The following ST13 variants were observed in gnomAD, a reference collection of about 807,000 sequenced individuals.
The protein encoded by ST13 is ST13 Hsp70 interacting protein.
A neutral mutation model predicts 56.7 loss-of-function variants in ST13; 23 were observed. The observed-to-expected ratio is 0.41, with a 90% CI of 0.29 to 0.57. The LOEUF (loss-of-function observed/expected upper bound fraction) is 0.57. Ranked by LOEUF, ST13 falls within the 20% of genes least tolerant of loss-of-function variation. ST13 has a pLI of 0.36. For missense variants in ST13, 369 were observed against 459.9 expected (o/e 0.80, Z 1.81); for synonymous variants, 132 against 142.4 (o/e 0.93, Z 0.52).
At chr22:40,840,504 T>C in intron 5 of ST13, 122 bp downstream of exon 5, 2 of 777,024 alleles carry the variant, frequency 2.6e-6, no homozygotes, top group Admixed American at 3.0e-5. Flanking sequence ...GACTGGATAA[T>C]AGGACACTAT....
At chr22:40,852,466 T>G (rs1452524107) in intron 1 of ST13, among the ~76,000 whole-genome samples, 1 of 152,234 alleles carries the variant, frequency 6.6e-6, no homozygotes, top group Non-Finnish European at 1.5e-5. Context: ...TCCCACCCTG[T>G]AGGTTGCCTT....
chr22:40,849,687 T>C lies in ST13; in HGVS notation c.168+1136A>G, dbSNP rs781698289. Among the ~76,000 whole-genome samples, 152 of 152,026 alleles carry C rather than the reference T, an allele frequency of 1.0e-3. 2 individuals carry two copies. Among genetic ancestry groups the C allele is most frequent in the Non-Finnish European group, 3.2e-4 (22 of 68,008 alleles). On this transcript the variant is annotated intron_variant, in intron 2 of 11. Transcript: ENST00000216218. ...AAATATAATTTTGCCTTCATACACATTTGCCAAATAGCAAAATATCTAGGG... is the reference window on the plus strand; with the variant it reads ...AAATATAATTTTGCCTTCATACACACTTGCCAAATAGCAAAATATCTAGGG...
At chr22:40,844,610 C>G (rs1343247459) in intron 4 of ST13, among the ~76,000 whole-genome samples, 1 of 152,146 alleles carries the variant, frequency 6.6e-6, no homozygotes, top group Non-Finnish European at 1.5e-5. Context: ...CGTTACAGTG[C>G]AAGCAGTCAC....
At chr22:40,850,989 C>T (rs55763787) in intron 1 of ST13, 109 bp from the exon 2 acceptor site, 1 of 728,546 alleles carries the variant, frequency 1.4e-6, no homozygotes, top group Non-Finnish European at 2.2e-6. Context: ...ACTACCTTTT[C>T]AAAATTTAAA....
chr22:40,850,907 T>C (rs1359329608), intron 1 of ST13, 27 bp from the exon 2 acceptor site: 1 of 1,562,032 alleles, frequency 6.4e-7, no homozygotes, highest in Non-Finnish European at 8.7e-7. Flanking sequence ...AAAAAGATAT[T>C]TGTTTAGAAA....
At chr22:40,851,363 A>T (rs936481043) in intron 1 of ST13, among the ~76,000 whole-genome samples, 1 of 152,094 alleles carries the variant, frequency 6.6e-6, no homozygotes, top group Non-Finnish European at 1.5e-5. Context: ...ACCTATGAGA[A>T]TTTTTCTTGC....
intron 8 of ST13, 71 bp from the exon 9 acceptor site, chr22:40,831,027 T>A: frequency 1.0e-6 from 1 of 972,688 alleles, no homozygotes; most frequent in Non-Finnish European, 1.6e-6. Context: ...ATATTCTTTG[T>A]AGAGAGATGT....
At chr22:40,840,515 C>T in intron 5 of ST13, 111 bp downstream of exon 5, 1 of 878,604 alleles carries the variant, frequency 1.1e-6, no homozygotes, top group Non-Finnish European at 1.8e-6. Context: ...AGGACACTAT[C>T]TTCTCCAGTA....
intron 5 of ST13, among the ~76,000 whole-genome samples, chr22:40,836,556 A>G (rs2057778556): frequency 6.6e-6 from 1 of 152,192 alleles, no homozygotes; most frequent in Non-Finnish European, 1.5e-5. Flanking sequence ...ATTAAAAAGA[A>G]AAAATTAAGC....
chr22:40,835,341 C>G, intron 7 of ST13: 31 of 349,572 alleles, frequency 8.9e-5, no homozygotes, highest in East Asian at 2.4e-4. Flanking sequence ...CTTTTTATTT[C>G]TTCCTTCCTA....
chr22:40,828,789 G>A (rs879899098), intron 10 of ST13, among the ~76,000 whole-genome samples: 9 of 151,986 alleles, frequency 5.9e-5, no homozygotes, highest in Non-Finnish European at 8.8e-5. Context: ...AGAAATCTAA[G>A]GGGACCATAA....
chr22:40,836,536 T>C lies in ST13; in HGVS notation c.383-649A>G, dbSNP rs571134754. On this transcript the variant is annotated intron_variant, in intron 5 of 11. Transcript: ENST00000216218. ...TAATTTTATTCCATTGATTTTCTTT[T>C]ATCCATTAAATTAAAAAGAAAAAAT... 3.9e-5 allele frequency among the ~76,000 whole-genome samples: 6 copies of C among 152,280 alleles called. No homozygotes were observed. The South Asian group carries it at 1.2e-3, about 32-fold the overall frequency.
chr22:40,842,480 G>C (rs1338578729), intron 4 of ST13, among the ~76,000 whole-genome samples: 1 of 152,146 alleles, frequency 6.6e-6, no homozygotes, highest in African/African-American at 2.4e-5. Flanking sequence ...AAAAAGATTT[G>C]AAGTACCAAA....
In ST13 at chr22:40,856,613, C is replaced by G; in HGVS notation, c.-73G>C. 3.2e-6 allele frequency: 4 copies of G among 1,256,960 alleles called. No homozygotes were observed. The highest frequency in any genetic ancestry group is 3.5e-6 in the Non-Finnish European group (3 of 863,470). 77.9% of individuals were successfully genotyped at this position (1,256,960 alleles called of 1,614,324 possible). Reference sequence around the variant, plus strand: ...GGCCCAGGCGCTGGCTCGGCGTGACCGCGCAGAAGGGGGCGGCTGCCGCAA... The same window carrying G: ...GGCCCAGGCGCTGGCTCGGCGTGACGGCGCAGAAGGGGGCGGCTGCCGCAA... On this transcript the variant is annotated 5_prime_UTR_variant, in exon 1 of 12. Transcript: ENST00000216218.
At chr22:40,832,462 G>T (rs2057758430) in intron 8 of ST13, 107 bp downstream of exon 8, 1 of 781,918 alleles carries the variant, frequency 1.3e-6, no homozygotes, top group Non-Finnish European at 2.1e-6. Flanking sequence ...TCTTCCAATG[G>T]TTTGTTTCTT....
intron 5 of ST13, among the ~76,000 whole-genome samples, chr22:40,839,527 G>A (rs1486938426): frequency 1.3e-5 from 2 of 152,138 alleles, no homozygotes; most frequent in Non-Finnish European, 2.9e-5. Context: ...CACTTTGGGA[G>A]GCAGAGGCGG....
chr22:40,828,992 T>A (rs1204636082), intron 10 of ST13, among the ~76,000 whole-genome samples: 1 of 152,248 alleles, frequency 6.6e-6, no homozygotes, highest in African/African-American at 2.4e-5. Context: ...ATAAGATTAT[T>A]TATATTTTAC....
Position 40,830,847 on chromosome 22 carries a change from G to A in ST13, c.791C>T (p.Ala264Val), listed in dbSNP as rs1304496802. The A allele has an allele frequency of 1.3e-6, 2 of 1,599,160 alleles. No homozygotes were observed. The highest frequency in any genetic ancestry group is 1.3e-5 in the African/African-American group (1 of 74,578). ...TAGCTATAGGAAATTTACCCTCTGG[G>A]CTCTCTCATGCTCTTCTCGAGCCTT... ...VKKAREEHER[A>V]QREEEARRQS... The change falls in exon 9 of 12, where the codon GCC (alanine) becomes GTC (valine). Residue 264 changes from alanine to valine, a missense_variant. By Grantham distance (64) the Ala-to-Val change is moderately conservative (BLOSUM62 0). Transcript: ENST00000216218.
chr22:40,826,455 A>G lies in ST13; in HGVS notation c.*83T>C. ...CTCTCTTGATGAGAAGGTCAGAGGT[A>G]CACTGGTTTGTATTATTGCGACATC... On this transcript the variant is annotated 3_prime_UTR_variant, in exon 12 of 12. Transcript: ENST00000216218. 1 of 1,447,750 alleles carries G rather than the reference A, an allele frequency of 6.9e-7. No individual in the cohort carries two copies. Among genetic ancestry groups the G allele is most frequent in the African/African-American group, 1.4e-5 (1 of 71,478 alleles). 89.7% of individuals were successfully genotyped at this position (1,447,750 alleles called of 1,614,324 possible).
Sources: gnomAD v4.1 joint callset for allele counts (sites outside exome capture counted in the v4.1 genomes callset) on GRCh38, gnomAD v4.1.1 for gene constraint, MANE v1.5 for transcripts, NCBI Gene and HGNC (gene_info 2026-07-23, HGNC 2026-07-21) for gene names.